The following GALNTL5 variants were observed in gnomAD, a reference collection of about 807,000 sequenced individuals.
GALNTL5 encodes the protein inactive polypeptide N-acetylgalactosaminyltransferase-like protein 5.
In GALNTL5, 44 loss-of-function variants were observed where a neutral mutation model predicts 51.0. That is an observed-to-expected ratio of 0.86 (90% CI 0.68 to 1.11). The LOEUF is 1.11. GALNTL5 is among the 50% of genes least tolerant of loss of function. The pLI, the probability that GALNTL5 is intolerant of heterozygous loss-of-function variation, is 0.00. For missense variants in GALNTL5, 528 were observed against 531.8 expected (o/e 0.99, Z 0.07); for synonymous variants, 192 against 182.8 (o/e 1.05, Z -0.41).
At chr7:151,980,452 G>C (rs1451688545) in intron 3 of GALNTL5, among the ~76,000 whole-genome samples, 2 of 152,102 alleles carry the variant, frequency 1.3e-5, no homozygotes, top group Non-Finnish European at 1.5e-5. Context: ...AAGTGCAGAC[G>C]GTGCAGGTGC....
intron 7 of GALNTL5, 56 bp downstream of exon 7, chr7:152,008,000 C>T: frequency 2.1e-6 from 2 of 935,130 alleles, no homozygotes; most frequent in Non-Finnish European, 3.5e-6. Flanking sequence ...AACTTTGTCA[C>T]ATACAATGCT....
chr7:151,971,199 AT>A, intron 3 of GALNTL5, 134 bp downstream of exon 3: 1 of 679,002 alleles, frequency 1.5e-6, no homozygotes, highest in South Asian at 1.9e-5. Context: ...ATAGATTCCT[AT>A]TTTTAGGACT....
chr7:151,982,487 A>T (rs1399173108), intron 3 of GALNTL5, among the ~76,000 whole-genome samples: 1 of 152,168 alleles, frequency 6.6e-6, no homozygotes. Flanking sequence ...ATTAGACCAT[A>T]TCTGCTATAC....
At chr7:151,961,638 G>A (rs1004416868) in intron 1 of GALNTL5, among the ~76,000 whole-genome samples, 1 of 152,140 alleles carries the variant, frequency 6.6e-6, no homozygotes, top group African/African-American at 2.4e-5. Context: ...AAGGAGGACA[G>A]ACGCTGACGG....
At chr7:151,974,999 T>C (rs1276951000) in intron 3 of GALNTL5, among the ~76,000 whole-genome samples, 1 of 152,178 alleles carries the variant, frequency 6.6e-6, no homozygotes, top group African/African-American at 2.4e-5. Context: ...CCAACCAGAT[T>C]TTTAGCCATT....
intron 2 of GALNTL5, 35 bp from the exon 3 acceptor site, chr7:151,970,909 CT>C: frequency 6.5e-7 from 1 of 1,547,612 alleles, no homozygotes; most frequent in Non-Finnish European, 8.8e-7. Flanking sequence ...GCTAGTAAGC[CT>C]TTACTTATAT....
chr7:152,012,795 C>T (rs2081754780), intron 7 of GALNTL5, among the ~76,000 whole-genome samples: 1 of 152,122 alleles, frequency 6.6e-6, no homozygotes, highest in Admixed American at 6.5e-5. Context: ...GGTGAAACCC[C>T]ATCTCCACCA....
At chr7:151,969,453 T>A (rs1020407525) in intron 2 of GALNTL5, among the ~76,000 whole-genome samples, 1 of 152,164 alleles carries the variant, frequency 6.6e-6, no homozygotes, top group Non-Finnish European at 1.5e-5. Flanking sequence ...CAGAGAATAG[T>A]CAAAGTGAGA....
intron 1 of GALNTL5, among the ~76,000 whole-genome samples, chr7:151,959,412 G>A (rs1203840552): frequency 2.0e-5 from 3 of 152,154 alleles, no homozygotes; most frequent in Middle Eastern, 3.4e-3. Flanking sequence ...GTTAGAAGTT[G>A]CCTTCTTCTC....
At chr7:152,001,881 T>C (rs553977029) in intron 5 of GALNTL5, among the ~76,000 whole-genome samples, 9 of 152,306 alleles carry the variant, frequency 5.9e-5, no homozygotes, top group Admixed American at 3.3e-4. Flanking sequence ...GATTTTACAC[T>C]GGCTACAAGA....
At chr7:151,985,321 G>T (rs1333557039) in intron 4 of GALNTL5, among the ~76,000 whole-genome samples, 1 of 152,138 alleles carries the variant, frequency 6.6e-6, no homozygotes, top group Non-Finnish European at 1.5e-5. Flanking sequence ...CAACATGTGG[G>T]TGTGCTTCCC....
intron 5 of GALNTL5, among the ~76,000 whole-genome samples, chr7:151,993,705 G>A (rs757593933): frequency 2.0e-5 from 3 of 151,870 alleles, no homozygotes; most frequent in Admixed American, 6.6e-5. Flanking sequence ...CTGCAGCCTC[G>A]AACTCCTGGG....
intron 2 of GALNTL5, among the ~76,000 whole-genome samples, chr7:151,968,773 C>A (rs2081091181): frequency 6.6e-6 from 1 of 152,210 alleles, no homozygotes; most frequent in African/African-American, 2.4e-5. Flanking sequence ...TTCTCTGGAT[C>A]TTTGCCAACA....
chr7:151,999,865 T>C (rs1290416004), intron 5 of GALNTL5, among the ~76,000 whole-genome samples: 2 of 152,200 alleles, frequency 1.3e-5, no homozygotes, highest in Non-Finnish European at 2.9e-5. Flanking sequence ...ATAGCTGTAA[T>C]ATTCCAAAGT....
intron 3 of GALNTL5, among the ~76,000 whole-genome samples, chr7:151,979,232 C>T (rs1349773980): frequency 6.7e-6 from 1 of 150,310 alleles, no homozygotes; most frequent in African/African-American, 2.5e-5. Context: ...TCCTCAGCCT[C>T]CCAAGTAGCT....
At chr7:151,983,737 G>T (rs1334628256) in intron 4 of GALNTL5, among the ~76,000 whole-genome samples, 2 of 152,210 alleles carry the variant, frequency 1.3e-5, no homozygotes, top group Non-Finnish European at 2.9e-5. Flanking sequence ...AGGTCTGAAT[G>T]ATGAGTTGTA....
intron 1 of GALNTL5, among the ~76,000 whole-genome samples, chr7:151,958,609 C>G (rs1292471018): frequency 3.4e-5 from 5 of 146,832 alleles, no homozygotes; most frequent in Non-Finnish European, 5.9e-5. Context: ...TCATTCTGTC[C>G]CACCATCCTG....
chr7:151,961,326 A>G (rs1249223107), intron 1 of GALNTL5, among the ~76,000 whole-genome samples: 1 of 146,804 alleles, frequency 6.8e-6, no homozygotes, highest in Non-Finnish European at 1.5e-5. Flanking sequence ...ACATGGCAAA[A>G]CGCCAACTCT....
chr7:151,983,205 T>G, intron 4 of GALNTL5, 53 bp downstream of exon 4: 1 of 1,487,110 alleles, frequency 6.7e-7, no homozygotes, highest in Non-Finnish European at 9.3e-7. Flanking sequence ...GTTGTTGAGA[T>G]TTCCCTCTGT....
Sources: allele counts gnomAD v4.1 joint callset (sites outside exome capture counted in the v4.1 genomes callset), GRCh38; gene constraint gnomAD v4.1.1; transcripts MANE v1.5; gene names NCBI Gene and HGNC (gene_info 2026-07-23, HGNC 2026-07-21).